GABRB1: variants seen among roughly 807,000 people sequenced by gnomAD.
GABRB1 encodes gamma-aminobutyric acid receptor subunit beta-1.
A neutral mutation model predicts 51.6 loss-of-function variants in GABRB1; 17 were observed. That is an observed-to-expected ratio of 0.33 (90% CI 0.23 to 0.49). The LOEUF is 0.49. GABRB1 is among the 20% of genes least tolerant of loss of function. The probability of loss-of-function intolerance (pLI) is 0.99; values close to 1 mark genes in which losing one functional copy is unlikely to be tolerated. For synonymous variants in GABRB1, 247 were observed against 218.9 expected, an observed-to-expected ratio of 1.13 and a Z score of -1.14; for missense variants, 410 against 600.6, an observed-to-expected ratio of 0.68 and a Z score of 3.32.
intron 4 of GABRB1, among the ~76,000 whole-genome samples, chr4:47,241,736 AATGTT>A (rs1374535394): frequency 2.6e-5 from 4 of 152,180 alleles, no homozygotes; most frequent in Non-Finnish European, 4.4e-5. Flanking sequence ...GACATTTGTT[AATGTT>A]TAACAAAGGT....
chr4:47,097,460 C>T (rs1040856179), intron 3 of GABRB1, among the ~76,000 whole-genome samples: 2 of 151,742 alleles, frequency 1.3e-5, no homozygotes, highest in African/African-American at 4.9e-5. Flanking sequence ...GAATTGAAAC[C>T]CCCCATTCCC....
At chr4:47,263,962 C>A (rs1722549689) in intron 4 of GABRB1, among the ~76,000 whole-genome samples, 1 of 149,082 alleles carries the variant, frequency 6.7e-6, no homozygotes, top group African/African-American at 2.5e-5. Flanking sequence ...GACGAAAGTT[C>A]ACTTCTACAA....
intron 3 of GABRB1, among the ~76,000 whole-genome samples, chr4:47,158,917 TACCTTA>T (rs1560563876): frequency 6.6e-6 from 1 of 152,070 alleles, no homozygotes; most frequent in African/African-American, 2.4e-5. Context: ...GTTTCTAAAG[TACCTTA>T]ACCTTAATTT....
intron 4 of GABRB1, among the ~76,000 whole-genome samples, chr4:47,272,978 AATGATGAGT>A (rs1722932293): frequency 3.2e-4 from 1 of 3,124 alleles, no homozygotes; most frequent in Non-Finnish European, 5.3e-4. Context: ...CCGTTACTGT[AATGATGAGT>A]TCACTGTAGT....
chr4:47,177,103 T>C (rs1397682882), intron 4 of GABRB1, among the ~76,000 whole-genome samples: 1 of 152,040 alleles, frequency 6.6e-6, no homozygotes, highest in Admixed American at 6.6e-5. Context: ...GGATAACACA[T>C]TTTAAGAACA....
chr4:47,148,734 C>G lies in GABRB1; in HGVS notation c.241-12515C>G, dbSNP rs532847262. ...GCAGTGATGAACAATTGATTTGTAT[C>G]TAGTATCAACCACACACAGAGGACA... On this transcript the variant is annotated intron_variant, in intron 3 of 8. Transcript: ENST00000295454. 3.3e-5 allele frequency among the ~76,000 whole-genome samples: 5 copies of G among 151,652 alleles called. No individual in the cohort carries two copies. The South Asian group carries it at 1.0e-3, about 32-fold the overall frequency.
intron 4 of GABRB1, among the ~76,000 whole-genome samples, chr4:47,301,803 T>A (rs1237042087): frequency 6.6e-6 from 1 of 152,126 alleles, no homozygotes; most frequent in East Asian, 1.9e-4. Context: ...TTGGCAAAAT[T>A]GGCCAGTATC....
chr4:47,224,904 T>A (rs1720895491), intron 4 of GABRB1, among the ~76,000 whole-genome samples: 2 of 152,164 alleles, frequency 1.3e-5, no homozygotes. Flanking sequence ...TTTTTGTTTT[T>A]TGTTTTTGAG....
chr4:47,404,308 T>C (rs1239032654), intron 7 of GABRB1, among the ~76,000 whole-genome samples: 1 of 152,142 alleles, frequency 6.6e-6, no homozygotes, highest in East Asian at 1.9e-4. Context: ...GAACTAATCC[T>C]GTCATGGTTA....
chr4:47,135,215 G>C (rs1266798753), intron 3 of GABRB1, among the ~76,000 whole-genome samples: 3 of 152,168 alleles, frequency 2.0e-5, no homozygotes, highest in African/African-American at 7.2e-5. Flanking sequence ...AATGATAATG[G>C]TGAGATGCCA....
rs140619778 is a variant in GABRB1, at chr4:47,078,710, A to T, written c.240+46226A>T. On this transcript the variant is annotated intron_variant, in intron 3 of 8. Coordinates refer to ENST00000295454, the MANE Select transcript of GABRB1 (RefSeq NM_000812.4). ...CAGCTCTAACATCCTATAATGCTAC[A>T]ATTTCATCTCTGGGTCCTGGTTCTT... Among the ~76,000 whole-genome samples, 780 of 152,288 alleles carry T rather than the reference A, an allele frequency of 5.1e-3. 3 individuals carry two copies. Among genetic ancestry groups the T allele is most frequent in the African/African-American group, 0.018 (730 of 41,564 alleles).
chr4:47,319,741 A>G (rs909850298), intron 4 of GABRB1, among the ~76,000 whole-genome samples: 9 of 152,200 alleles, frequency 5.9e-5, no homozygotes, highest in African/African-American at 2.2e-4. Flanking sequence ...TTTGTGGTAC[A>G]GTTTAAGAAA....
chr4:47,200,442 G>A (rs374596964), intron 4 of GABRB1, among the ~76,000 whole-genome samples: 5 of 152,224 alleles, frequency 3.3e-5, no homozygotes, highest in African/African-American at 1.2e-4. Flanking sequence ...GATTAAGGAA[G>A]GGTTTATCAA....
At chr4:47,198,482 TA>T (rs1256335701) in intron 4 of GABRB1, among the ~76,000 whole-genome samples, 1 of 152,170 alleles carries the variant, frequency 6.6e-6, no homozygotes, top group Non-Finnish European at 1.5e-5. Context: ...AGAAGGATGC[TA>T]GGGGCATGGT....
chr4:47,345,505 C>T (rs1297780294), intron 5 of GABRB1, among the ~76,000 whole-genome samples: 1 of 151,974 alleles, frequency 6.6e-6, no homozygotes, highest in Non-Finnish European at 1.5e-5. Flanking sequence ...AAAGTGCCTT[C>T]CAGGTAAGGA....
At chr4:47,267,604 G>A (rs1323477918) in intron 4 of GABRB1, among the ~76,000 whole-genome samples, 1 of 152,044 alleles carries the variant, frequency 6.6e-6, no homozygotes, top group Non-Finnish European at 1.5e-5. Flanking sequence ...AGACAAGCCT[G>A]GCCAACAATG....
chr4:47,186,414 G>T, intron 4 of GABRB1, among the ~76,000 whole-genome samples: 1 of 151,718 alleles, frequency 6.6e-6, no homozygotes, highest in South Asian at 2.1e-4. Context: ...TAGGAAGATT[G>T]GTGTAAACAT....
intron 5 of GABRB1, among the ~76,000 whole-genome samples, chr4:47,340,259 C>A (rs1361986753): frequency 6.6e-6 from 1 of 152,076 alleles, no homozygotes. Flanking sequence ...CTCCTACCAA[C>A]TATCTTAGTC....
intron 4 of GABRB1, among the ~76,000 whole-genome samples, chr4:47,240,323 T>C (rs1721476126): frequency 6.6e-6 from 1 of 152,184 alleles, no homozygotes; most frequent in Non-Finnish European, 1.5e-5. Flanking sequence ...CCGATCAAAG[T>C]CCCTATTTTT....
Sources: gnomAD v4.1 joint callset for allele counts (sites outside exome capture counted in the v4.1 genomes callset) on GRCh38, gnomAD v4.1.1 for gene constraint, MANE v1.5 for transcripts, NCBI Gene and HGNC (gene_info 2026-07-23, HGNC 2026-07-21) for gene names.